Variants in KIF18B observed in about 807,000 individuals in gnomAD.
KIF18B encodes the protein kinesin-like protein KIF18B.
KIF18B carries 49 observed loss-of-function variants against 80.9 expected under a neutral mutation model. That is an observed-to-expected ratio of 0.61 (90% CI 0.48 to 0.77). KIF18B has a LOEUF of 0.77. KIF18B is among the 30% of genes least tolerant of loss of function. KIF18B has a pLI of 0.00. For missense variants in KIF18B, 994 were observed against 1,127.7 expected (o/e 0.88, Z 1.70); for synonymous variants, 439 against 463.9 (o/e 0.95, Z 0.69).
At position 44,934,166 on chromosome 17, in the gene KIF18B, G is replaced by A. The variant is rs2052223845; in HGVS notation, c.885+67C>T. On this transcript the variant is annotated intron_variant, in intron 6 of 15. Coordinates refer to ENST00000593135, the MANE Select transcript of KIF18B (RefSeq NM_001265577.2). The surrounding 1 kb of genome is among the most constrained non-coding windows in gnomAD (Gnocchi z 5.4). ...CACTGACCCAGGATGGGGCCCTGTG[G>A]CCTTTGGCCCTGGGTTCAGGTGCTC... 2.5e-6 allele frequency: 4 copies of A among 1,597,136 alleles called. No homozygotes were observed. Among genetic ancestry groups the A allele is most frequent in the Non-Finnish European group, 2.6e-6 (3 of 1,171,002 alleles).
At chr17:44,941,638 T>C (rs562807711) in intron 1 of KIF18B, among the ~76,000 whole-genome samples, 1 of 152,264 alleles carries the variant, frequency 6.6e-6, no homozygotes, top group East Asian at 1.9e-4. Context: ...TGCACCCAGC[T>C]GTACCTAATT....
At chr17:44,936,007 T>C in intron 2 of KIF18B, 25 bp downstream of exon 2, 1 of 1,604,400 alleles carries the variant, frequency 6.2e-7, no homozygotes, top group Non-Finnish European at 8.5e-7. Flanking sequence ...GCCAGGCCAC[T>C]GCCAGGCAGG....
rs1450915154 is a variant in KIF18B, at chr17:44,936,073, T to C, written c.272A>G (p.His91Arg). 3 of 1,613,692 alleles carry C rather than the reference T, an allele frequency of 1.9e-6. No individual in the cohort carries two copies. Among genetic ancestry groups the C allele is most frequent in the Non-Finnish European group, 2.5e-6 (3 of 1,179,904 alleles). The part of the protein sequence containing the change: ...TQQDVFQHTT[H>R]SVLDSFLQGY... ...CTGGAGGAAGCTGTCCAGGACGCTG[T>C]GCGTGGTGTGCTGGAACACGTCCTG... Residue 91 changes from histidine (H) to arginine (R), a missense_variant, in exon 2 of 16, where the codon CAC (histidine) becomes CGC (arginine). Physicochemically the swap from His to Arg is conservative, Grantham distance 29. Coordinates refer to ENST00000593135, the MANE Select transcript of KIF18B (RefSeq NM_001265577.2).
chr17:44,934,705 A>G lies in KIF18B; in HGVS notation c.577-88T>C, dbSNP rs1014565936. On this transcript the variant is annotated intron_variant, in intron 4 of 15. Transcript: ENST00000593135. The surrounding 1 kb of genome is among the most constrained non-coding windows in gnomAD (Gnocchi z 5.4). ...GGAAGGGCTGCTCTTCAGAATCTACATCACCCCCTTGCTACCACCACCACT... is the reference window on the plus strand; with the variant it reads ...GGAAGGGCTGCTCTTCAGAATCTACGTCACCCCCTTGCTACCACCACCACT... 3.1e-6 allele frequency: 4 copies of G among 1,305,390 alleles called. No homozygotes were observed. In the African/African-American group the frequency reaches 5.9e-5, roughly 19 times the overall value. The allele number at this position is 1,305,390 out of a possible 1,614,324, so 80.9% of individuals were successfully genotyped here. A position where few individuals can be genotyped will look rare whatever the true frequency, so the allele number is the denominator to read the frequency against.
chr17:44,926,574 A>T (rs570625419), intron 14 of KIF18B, 75 bp from the exon 15 acceptor site: 1 of 1,378,932 alleles, frequency 7.3e-7, no homozygotes, highest in Non-Finnish European at 9.6e-7. Context: ...GAAGTGGGGC[A>T]TATAAGTACT....
In KIF18B at chr17:44,933,867, TC is replaced by T. The variant is rs1258659249; in HGVS notation, c.1062+55del. 2.5e-5 allele frequency: 37 copies of T among 1,490,476 alleles called. No homozygotes were observed. The African/African-American group carries it at 4.6e-4, about 18-fold the overall frequency. 92.3% of individuals were successfully genotyped at this position (1,490,476 alleles called of 1,614,324 possible). A position where few individuals can be genotyped will look rare whatever the true frequency, so the allele number is the denominator to read the frequency against. On this transcript the variant is annotated intron_variant, in intron 7 of 15. Transcript: ENST00000593135. ...TTGGAGCTGCCTGGGTCCCACCCTT[TC>T]CTGCTCCCCGGCTGGAGCTGCCCCA... is the stretch of plus-strand genomic sequence containing the variant.
In KIF18B at chr17:44,936,897, C is replaced by T. The variant is rs2052323403; in HGVS notation, c.-14-539G>A. On this transcript the variant is annotated intron_variant, in intron 1 of 15. Transcript: ENST00000593135. ...GACCTCATGATTCGCCCACCTCAGC[C>T]TCCCAAAGTGTTGGGATTACAGGCA... Among the ~76,000 whole-genome samples the T allele has an allele frequency of 2.0e-5, 3 of 151,674 alleles. No homozygotes were observed. The South Asian group carries it at 6.2e-4, about 32-fold the overall frequency.
intron 11 of KIF18B, among the ~76,000 whole-genome samples, chr17:44,930,249 C>T (rs910748783): frequency 1.2e-4 from 19 of 152,232 alleles, no homozygotes; most frequent in Admixed American, 3.9e-4. Context: ...GCTCTGGCCC[C>T]GTCCCTCTTG....
chr17:44,946,097 C>T (rs964771692), intron 1 of KIF18B, among the ~76,000 whole-genome samples: 3 of 151,086 alleles, frequency 2.0e-5, no homozygotes, highest in African/African-American at 4.9e-5. Flanking sequence ...GTATTTATAA[C>T]GTAATTGCTT....
At chr17:44,945,766 T>G (rs1200935783) in intron 1 of KIF18B, among the ~76,000 whole-genome samples, 7 of 150,470 alleles carry the variant, frequency 4.7e-5, no homozygotes, top group African/African-American at 1.7e-4. Flanking sequence ...ATTAGCCGGG[T>G]GTGGTGGCGG....
chr17:44,936,464 T>C (rs1436732768), intron 1 of KIF18B, 106 bp from the exon 2 acceptor site: 10 of 872,378 alleles, frequency 1.1e-5, no homozygotes, highest in Non-Finnish European at 1.7e-5. Flanking sequence ...GACTGGTCTC[T>C]GTTTTATGCC....
At position 44,928,073 on chromosome 17, in the gene KIF18B, G is replaced by T; in HGVS notation, c.2229C>A (p.Asp743Glu). ...KPSFHECIGW[D>E]KIPQELSRLD... is the part of the protein sequence containing the mutation. ...GCCTGCTCAGCTCCTGGGGTATTTT[G>T]TCCCAGCCAATGCATTCATGGAAAC... is the stretch of plus-strand genomic sequence containing the variant. The change falls in exon 13 of 16, where the codon GAC (aspartate) becomes GAA (glutamate). Residue 743 changes from aspartate to glutamate, a missense_variant. Coordinates refer to ENST00000593135, the MANE Select transcript of KIF18B (RefSeq NM_001265577.2). 6.5e-7 allele frequency: 1 copy of T among 1,542,862 alleles called. No individual in the cohort carries two copies. Among genetic ancestry groups the T allele is most frequent in the African/African-American group, 1.4e-5 (1 of 72,512 alleles).
chr17:44,936,555 ACTCTCTCTCTCTCTCTCTCT>A (rs59137224), intron 1 of KIF18B, among the ~76,000 whole-genome samples, 197 bp from the exon 2 acceptor site: 6 of 37,230 alleles, frequency 1.6e-4, no homozygotes, highest in African/African-American at 6.0e-4. Flanking sequence ...TACTCAAATG[ACTCTCTCTCTCTCTCTCTCT>A]CTCTCTCTCT....
In KIF18B at chr17:44,931,595, T is replaced by TA. The variant is rs1567789577; in HGVS notation, c.1517+6dup. The TA allele has an allele frequency of 6.2e-7, 1 of 1,613,914 alleles. No homozygotes were observed. Among genetic ancestry groups the TA allele is most frequent in the Non-Finnish European group, 8.5e-7 (1 of 1,179,866 alleles). Reference sequence around the variant, plus strand: ...TTGATTCCAGAATACAGCAAGAAGATACCTACTGCTTAGAACGGTCCCCAT... The same window carrying TA: ...TTGATTCCAGAATACAGCAAGAAGATAACCTACTGCTTAGAACGGTCCCCAT... On this transcript the variant is annotated splice_region_variant and intron_variant, in intron 11 of 15. Transcript: ENST00000593135.
Position 44,934,458 on chromosome 17 carries a change from G to C in KIF18B, c.688-28C>G. On this transcript the variant is annotated intron_variant, in intron 5 of 15. Transcript: ENST00000593135. The surrounding 1 kb of genome is among the most constrained non-coding windows in gnomAD (Gnocchi z 5.4). Reference sequence around the variant, plus strand: ...GAAGGCAGATGGCAGGGGTGAGGGGGAGATGGGCATCAGGGGCACTGGTTT... The same window carrying C: ...GAAGGCAGATGGCAGGGGTGAGGGGCAGATGGGCATCAGGGGCACTGGTTT... 1 of 1,604,362 alleles carries C rather than the reference G, an allele frequency of 6.2e-7. No homozygotes were observed. The highest frequency in any genetic ancestry group is 8.5e-7 in the Non-Finnish European group (1 of 1,174,142).
intron 12 of KIF18B, 77 bp from the exon 13 acceptor site, chr17:44,928,655 G>T: frequency 7.2e-7 from 1 of 1,397,490 alleles, no homozygotes; most frequent in Non-Finnish European, 9.4e-7. Context: ...TAACCCCTCA[G>T]GTCTCCTGGG....
chr17:44,926,395 T>C lies in KIF18B; in HGVS notation c.2452+19A>G. On this transcript the variant is annotated intron_variant, in intron 15 of 15. Coordinates refer to ENST00000593135, the MANE Select transcript of KIF18B (RefSeq NM_001265577.2). ...CGGCCTCCATGGCCCAGGCTATCCC[T>C]GTCCCTAGTGCCAGTCACCTGGGAG... is the stretch of plus-strand genomic sequence containing the variant. The C allele has an allele frequency of 1.3e-6, 2 of 1,561,690 alleles. No individual in the cohort carries two copies. The highest frequency in any genetic ancestry group is 1.7e-6 in the Non-Finnish European group (2 of 1,152,872).
rs767598503 is a variant in KIF18B at position 44,929,027 on chromosome 17, G to A, written c.1518-3C>T. On this transcript the variant is annotated splice_region_variant and splice_polypyrimidine_tract_variant and intron_variant, in intron 11 of 15. Coordinates refer to ENST00000593135, the MANE Select transcript of KIF18B (RefSeq NM_001265577.2). ...CGCACAGCACCTTTAGGGCCAACCTGGAACAGAAGAAAGGGGATTCCCAGC... is the reference window on the plus strand; with the variant it reads ...CGCACAGCACCTTTAGGGCCAACCTAGAACAGAAGAAAGGGGATTCCCAGC... 2.5e-6 allele frequency: 4 copies of A among 1,613,798 alleles called. No individual in the cohort carries two copies. The Admixed American group carries it at 5.0e-5, about 20-fold the overall frequency.
At chr17:44,932,619 TC>T in intron 9 of KIF18B, 53 bp downstream of exon 9, 2 of 942,916 alleles carry the variant, frequency 2.1e-6, no homozygotes. Context: ...AGGGCCTGGC[TC>T]CCCATCCTGG....
Sources: gnomAD v4.1 joint callset for allele counts (sites outside exome capture counted in the v4.1 genomes callset) on GRCh38, gnomAD v4.1.1 for gene constraint, Gnocchi (gnomAD v3.1) non-coding constraint, MANE v1.5 for transcripts, NCBI Gene and HGNC (gene_info 2026-07-23, HGNC 2026-07-21) for gene names.